Variants in SDK1 observed in about 807,000 individuals in gnomAD.
SDK1 encodes protein sidekick-1.
Under a neutral mutation model 245.5 loss-of-function variants are expected in SDK1, and 157 were observed. The observed-to-expected ratio is 0.64, with a 90% CI of 0.56 to 0.73. The LOEUF (loss-of-function observed/expected upper bound fraction) is 0.73, where lower values mean the gene tolerates loss of function less well. Among genes scored for constraint, SDK1 ranks in the 30% least tolerant of loss-of-function variants. The probability of loss-of-function intolerance (pLI) is 0.00; values close to 1 mark genes in which losing one functional copy is unlikely to be tolerated. For missense variants in SDK1, 3,583 were observed against 3,002.3 expected (o/e 1.19, Z -4.52); for synonymous variants, 1,647 against 1,278.5 (o/e 1.29, Z -6.15).
rs770558246 is a variant in SDK1 at position 4,022,776 on chromosome 7, CT to C, written c.2602+5439del. 8.3e-3 allele frequency among the ~76,000 whole-genome samples: 1,148 copies of C among 138,028 alleles called. 5 individuals are homozygous for C. Among genetic ancestry groups the C allele is most frequent in the African/African-American group, 0.025 (892 of 36,078 alleles). The allele number at this position is 138,028 out of a possible 152,430, so 90.6% of individuals were successfully genotyped here. A position where few individuals can be genotyped will look rare whatever the true frequency, so the allele number is the denominator to read the frequency against. On this transcript the variant is annotated intron_variant, in intron 17 of 44. Coordinates refer to ENST00000404826, the MANE Select transcript of SDK1 (RefSeq NM_152744.4). ...TCGTTTTTCTTTTCTTTCTTTCTTTCTTTTTTTTTTTTTTTGAGACAGAGTC... is the reference window on the plus strand; with the variant it reads ...TCGTTTTTCTTTTCTTTCTTTCTTTCTTTTTTTTTTTTTTGAGACAGAGTC...
intron 5 of SDK1, among the ~76,000 whole-genome samples, chr7:3,941,450 C>T (rs971448245): frequency 1.3e-5 from 2 of 152,144 alleles, no homozygotes; most frequent in Non-Finnish European, 1.5e-5. Flanking sequence ...GCTGTGGCCA[C>T]GCCCATGCCC....
chr7:4,206,227 A>G (rs773703475), intron 36 of SDK1, among the ~76,000 whole-genome samples: 12 of 152,278 alleles, frequency 7.9e-5, no homozygotes, highest in African/African-American at 2.6e-4. Flanking sequence ...GCCCACCACA[A>G]AACAACCCAG....
At chr7:3,648,304 A>G (rs1562629204) in intron 4 of SDK1, among the ~76,000 whole-genome samples, 1 of 152,226 alleles carries the variant, frequency 6.6e-6, no homozygotes, top group Non-Finnish European at 1.5e-5. Flanking sequence ...GTACAGTGCC[A>G]TTCTTGTGCT....
At chr7:3,966,065 T>C (rs538644029) in intron 9 of SDK1, among the ~76,000 whole-genome samples, 1 of 151,750 alleles carries the variant, frequency 6.6e-6, no homozygotes, top group South Asian at 2.1e-4. Flanking sequence ...ATGAAAGCCT[T>C]TGTAGCTTTC....
At chr7:4,072,793 G>A (rs1050140292) in intron 20 of SDK1, among the ~76,000 whole-genome samples, 7 of 152,166 alleles carry the variant, frequency 4.6e-5, no homozygotes, top group South Asian at 2.1e-4. Flanking sequence ...GGCCAGAGGC[G>A]CTGTTGGAAA....
chr7:3,369,263 C>G (rs1031103553), intron 1 of SDK1, among the ~76,000 whole-genome samples: 8 of 152,058 alleles, frequency 5.3e-5, no homozygotes, highest in African/African-American at 9.7e-5. Context: ...CGAGGCTGGT[C>G]TCAAACTCCT....
intron 42 of SDK1, among the ~76,000 whole-genome samples, chr7:4,240,116 C>T (rs186591253): frequency 1.3e-5 from 2 of 152,234 alleles, no homozygotes; most frequent in East Asian, 1.9e-4. Context: ...GTATGAATGG[C>T]GTGTCATTTT....
chr7:4,234,683 A>G (rs769893833), intron 41 of SDK1, among the ~76,000 whole-genome samples: 2 of 152,064 alleles, frequency 1.3e-5, no homozygotes, highest in African/African-American at 2.4e-5. Flanking sequence ...AGTTAAACAC[A>G]CACCCTCGCT....
At chr7:3,363,790 G>A (rs140809513) in intron 1 of SDK1, among the ~76,000 whole-genome samples, 2 of 152,214 alleles carry the variant, frequency 1.3e-5, no homozygotes, top group Non-Finnish European at 2.9e-5. Flanking sequence ...TTCGTCCACT[G>A]CTCCCCTCCT....
At chr7:3,441,840 C>T (rs543642841) in intron 1 of SDK1, among the ~76,000 whole-genome samples, 9 of 152,188 alleles carry the variant, frequency 5.9e-5, no homozygotes, top group Admixed American at 3.3e-4. Context: ...TCAGTGTCAC[C>T]GATCATAAAC....
chr7:3,602,059 T>G (rs1437640616), intron 1 of SDK1, among the ~76,000 whole-genome samples: 1 of 152,034 alleles, frequency 6.6e-6, no homozygotes, highest in Non-Finnish European at 1.5e-5. Flanking sequence ...TGCCACATTT[T>G]CTTAATCCAG....
chr7:3,454,612 T>C (rs997141873), intron 1 of SDK1, among the ~76,000 whole-genome samples: 2 of 152,198 alleles, frequency 1.3e-5, no homozygotes, highest in Non-Finnish European at 2.9e-5. Context: ...ATGTAACCTT[T>C]TGGGATTTGC....
At chr7:3,533,665 T>A (rs1373661302) in intron 1 of SDK1, among the ~76,000 whole-genome samples, 1 of 152,156 alleles carries the variant, frequency 6.6e-6, no homozygotes, top group African/African-American at 2.4e-5. Context: ...ATAACTTTCT[T>A]CTCTTTTTGT....
At chr7:3,798,688 G>C (rs970047863) in intron 4 of SDK1, among the ~76,000 whole-genome samples, 1 of 152,156 alleles carries the variant, frequency 6.6e-6, no homozygotes, top group Non-Finnish European at 1.5e-5. Flanking sequence ...GGCGGTGTCA[G>C]CCAGTATTGT....
intron 1 of SDK1, among the ~76,000 whole-genome samples, chr7:3,602,595 G>C (rs1781287062): frequency 6.6e-6 from 1 of 151,664 alleles, no homozygotes; most frequent in South Asian, 2.1e-4. Flanking sequence ...TAGATGAGTA[G>C]GTTGCAAAAA....
At chr7:3,407,371 G>GCATCCTGCCAAGTGATACTTCTGGTGAC (rs1203218166) in intron 1 of SDK1, among the ~76,000 whole-genome samples, 8 of 152,150 alleles carry the variant, frequency 5.3e-5, no homozygotes, top group African/African-American at 1.9e-4. Flanking sequence ...CATGGCATTT[G>GCATCCTGCCAAGTGATACTTCTGGTGAC]CATCCTGCCA....
At chr7:3,476,010 A>C (rs1781337981) in intron 1 of SDK1, 1 of 152,672 alleles carries the variant, frequency 6.5e-6, no homozygotes, top group Admixed American at 6.5e-5. Context: ...TGGTAATTAA[A>C]ACTTTTCCTA....
intron 1 of SDK1, among the ~76,000 whole-genome samples, chr7:3,446,175 AATC>A (rs1780336236): frequency 6.6e-6 from 1 of 152,126 alleles, no homozygotes. Flanking sequence ...ACATGCTAAT[AATC>A]ATAAGATTGG....
At chr7:3,807,358 G>A (rs1392739567) in intron 4 of SDK1, among the ~76,000 whole-genome samples, 3 of 152,186 alleles carry the variant, frequency 2.0e-5, no homozygotes, top group African/African-American at 7.2e-5. Flanking sequence ...GTGGTGTGGG[G>A]GCTCCCTCTT....
Sources: gnomAD v4.1 joint callset for allele counts (sites outside exome capture counted in the v4.1 genomes callset) on GRCh38, gnomAD v4.1.1 for gene constraint, MANE v1.5 for transcripts, NCBI Gene and HGNC (gene_info 2026-07-23, HGNC 2026-07-21) for gene names.